SZT2: variants seen among roughly 807,000 people sequenced by gnomAD.
SZT2 encodes the protein SZT2 subunit of KICSTOR complex.
SZT2 carries 216 observed loss-of-function variants against 404.2 expected under a neutral mutation model. The observed-to-expected ratio is 0.53, with a 90% CI of 0.48 to 0.60. The LOEUF (loss-of-function observed/expected upper bound fraction) is 0.60. Ranked by LOEUF, SZT2 falls within the 20% of genes least tolerant of loss-of-function variation. SZT2 has a pLI of 0.00. For missense variants in SZT2, 3,857 were observed against 4,459.2 expected (o/e 0.86, Z 3.85); for synonymous variants, 1,693 against 1,749.9 (o/e 0.97, Z 0.81).
chr1:43,443,749 C>T lies in SZT2; in HGVS notation c.8778C>T (p.Ser2926=). The change falls in exon 62 of 72, where the codon AGC becomes AGT. Residue 2926 remains serine, a synonymous_variant. Coordinates refer to ENST00000634258, the MANE Select transcript of SZT2 (RefSeq NM_001365999.1). ...FLQQYVQYLQ[S]IGFVLVPLRP... is the part of the protein sequence containing the mutation. ...AGCAATATGTGCAGTATCTGCAGAG[C>T]ATAGGTTTTGTGCTGGTACCACTGC... 6.2e-7 allele frequency: 1 copy of T among 1,614,192 alleles called. No individual in the cohort carries two copies. The highest frequency in any genetic ancestry group is 8.5e-7 in the Non-Finnish European group (1 of 1,180,042).
chr1:43,402,595 T>TAGAGCACA (rs1242962974), intron 1 of SZT2, among the ~76,000 whole-genome samples: 12 of 152,298 alleles, frequency 7.9e-5, no homozygotes, highest in Admixed American at 5.9e-4. Flanking sequence ...CGATGCTTGT[T>TAGAGCACA]AGAGCATTGT....
At chr1:43,393,463 A>G (rs1276523568) in intron 1 of SZT2, among the ~76,000 whole-genome samples, 1 of 152,224 alleles carries the variant, frequency 6.6e-6, no homozygotes, top group South Asian at 2.1e-4. Flanking sequence ...ATTTGATCCT[A>G]AGTGCTCTAA....
chr1:43,440,965 G>A (rs527500184), intron 52 of SZT2, among the ~76,000 whole-genome samples: 3 of 152,224 alleles, frequency 2.0e-5, no homozygotes, highest in East Asian at 1.9e-4. Context: ...CTTACTATGT[G>A]CCTTCACTTC....
At chr1:43,427,882 G>A (rs1653371799) in intron 26 of SZT2, 121 bp from the exon 27 acceptor site, 1 of 1,320,988 alleles carries the variant, frequency 7.6e-7, no homozygotes, top group African/African-American at 1.5e-5. Flanking sequence ...CCTTGAACTT[G>A]CTAGGCCATG....
intron 1 of SZT2, among the ~76,000 whole-genome samples, chr1:43,392,124 AAAATGAAAC>A (rs1196725091): frequency 1.3e-5 from 2 of 148,812 alleles, no homozygotes; most frequent in East Asian, 3.9e-4. Flanking sequence ...AAAAAAAAAA[AAAATGAAAC>A]AAATGAAATA....
intron 36 of SZT2, 98 bp downstream of exon 36, chr1:43,431,999 T>G: frequency 6.5e-6 from 9 of 1,389,516 alleles, no homozygotes; most frequent in Non-Finnish European, 9.0e-6. Context: ...TTCGAACTCA[T>G]AGAGTTATCC....
rs554424367 is a variant in SZT2 at position 43,391,808 on chromosome 1, G to A, written c.27+1813G>A. Among the ~76,000 whole-genome samples the A allele has an allele frequency of 6.8e-4, 13 of 19,032 alleles. 2 individuals are homozygous for A. The highest frequency in any genetic ancestry group is 3.0e-3 in the African/African-American group (13 of 4,364). 12.5% of individuals were successfully genotyped at this position (19,032 alleles called of 152,430 possible). ...ATAAAAAAATGAAACAAGGCCGGGC[G>A]CGGTGGCTCACGCCTGTAATCCCAG... On this transcript the variant is annotated intron_variant, in intron 1 of 71. Transcript: ENST00000634258.
chr1:43,420,363 T>C lies in SZT2; in HGVS notation c.1261+40T>C, dbSNP rs746530896. The stretch of plus-strand genomic sequence containing the variant: ...GCCCTGCTGTAATCCCATAGATCTC[T>C]CAAGAATTTGTGTGTGGGAAGACCC... On this transcript the variant is annotated intron_variant, in intron 9 of 71. Coordinates refer to ENST00000634258, the MANE Select transcript of SZT2 (RefSeq NM_001365999.1). This position sits in a 1 kb window ranked among gnomAD's most constrained non-coding sequence, Gnocchi z 5.1. 25 of 1,509,832 alleles carry C rather than the reference T, an allele frequency of 1.7e-5. No homozygotes were observed. Among genetic ancestry groups the C allele is most frequent in the Non-Finnish European group, 2.2e-5 (25 of 1,132,412 alleles). The allele number at this position is 1,509,832 out of a possible 1,614,324, so 93.5% of individuals were successfully genotyped here.
rs1217994455 is a variant in SZT2 at position 43,403,262 on chromosome 1, A to G, written c.113A>G (p.His38Arg). The G allele has an allele frequency of 1.9e-6, 3 of 1,614,022 alleles. No individual in the cohort carries two copies. The highest frequency in any genetic ancestry group is 2.5e-6 in the Non-Finnish European group (3 of 1,180,044). ...RNVRLAWFLS[H>R]LHQTVQATPQ... Reference sequence around the variant, plus strand: ...GTTCGCCTGGCTTGGTTCCTCAGTCATCTGCACCAAACTGTGCAGGCCACA... The same window carrying G: ...GTTCGCCTGGCTTGGTTCCTCAGTCGTCTGCACCAAACTGTGCAGGCCACA... The change falls in exon 2 of 72, where the codon CAT (histidine) becomes CGT (arginine). Residue 38 changes from histidine to arginine, a missense_variant. His to Arg is a conservative substitution (Grantham distance 29). Transcript: ENST00000634258.
rs543398157 is a variant in SZT2, at chr1:43,392,227, T to A, written c.27+2232T>A. ...AAAACATCGTGAGATATTTAACATT[T>A]TTTTTGGTACCAAGTCTTTAAAATC... On this transcript the variant is annotated intron_variant, in intron 1 of 71. Coordinates refer to ENST00000634258, the MANE Select transcript of SZT2 (RefSeq NM_001365999.1). Among the ~76,000 whole-genome samples the A allele has an allele frequency of 1.7e-3, 261 of 152,196 alleles. 6 individuals are homozygous for A. In the South Asian group the frequency reaches 0.022, roughly 13 times the overall value.
At position 43,427,547 on chromosome 1, in the gene SZT2, G is replaced by A; in HGVS notation, c.3616G>A (p.Gly1206Arg). The A allele has an allele frequency of 6.2e-7, 1 of 1,614,252 alleles. No individual in the cohort carries two copies. The highest frequency in any genetic ancestry group is 8.5e-7 in the Non-Finnish European group (1 of 1,180,044). ...CTTCACAGACAATGCCCAGAATCAA[G>A]GAGAGCTAAGTCCACCATTCCGTCG... ...TLASDNAQNQ[G>R]ELSPPFRRDL... The change falls in exon 26 of 72, where the codon GGA becomes AGA. Residue 1206 changes from glycine to arginine, a missense_variant. By Grantham distance (125) the Gly-to-Arg change is moderately radical. This residue lies in a region of SZT2 where 1,725 missense variants were observed against 1,881.0 expected (regional missense o/e 0.92). Transcript: ENST00000634258.
At position 43,414,890 on chromosome 1, in the gene SZT2, A is replaced by T. The variant is rs1044182166; in HGVS notation, c.499-192A>T. Among the ~76,000 whole-genome samples the T allele has an allele frequency of 1.2e-4, 18 of 152,202 alleles. 1 individual carries two copies. Among genetic ancestry groups the T allele is most frequent in the Admixed American group, 5.9e-4 (9 of 15,286 alleles). On this transcript the variant is annotated intron_variant, in intron 4 of 71. Coordinates refer to ENST00000634258, the MANE Select transcript of SZT2 (RefSeq NM_001365999.1). ...TGACCCCAGATAAAGATGACTAATGACTAGGGACCTGGGCTGAGGACTGAT... is the reference window on the plus strand; with the variant it reads ...TGACCCCAGATAAAGATGACTAATGTCTAGGGACCTGGGCTGAGGACTGAT...
At chr1:43,400,482 C>T (rs1387140384) in intron 1 of SZT2, among the ~76,000 whole-genome samples, 1 of 152,232 alleles carries the variant, frequency 6.6e-6, no homozygotes, top group South Asian at 2.1e-4. Context: ...TCTGAGCCTA[C>T]ACTTACTACT....
intron 62 of SZT2, among the ~76,000 whole-genome samples, chr1:43,444,863 C>G (rs1159762830): frequency 6.6e-6 from 1 of 152,170 alleles, no homozygotes; most frequent in Non-Finnish European, 1.5e-5. Context: ...GGCATGTTCT[C>G]CCTCCTCTCT....
At position 43,441,745 on chromosome 1, in the gene SZT2, A is replaced by G. The variant is rs112994383; in HGVS notation, c.7669A>G (p.Ile2557Val). The G allele has an allele frequency of 2.5e-5, 41 of 1,614,032 alleles. No homozygotes were observed. The highest frequency in any genetic ancestry group is 2.4e-4 in the African/African-American group (18 of 74,966). The change falls in exon 55 of 72, where the codon ATC becomes GTC. Residue 2557 changes from isoleucine to valine, a missense_variant. This residue lies in a region of SZT2 where 573 missense variants were observed against 592.4 expected (regional missense o/e 0.97). Coordinates refer to ENST00000634258, the MANE Select transcript of SZT2 (RefSeq NM_001365999.1). This position sits in a 1 kb window ranked among gnomAD's most constrained non-coding sequence, Gnocchi z 4.8. ...GGTGTCCCGGTTCCTCCTTCCATCC[A>G]TCCTGTCTGAGTTCACCGCACTGGT... ...HMVSRFLLPSILSEFTALVTS... is the reference protein window; with the variant it reads ...HMVSRFLLPSVLSEFTALVTS...
At chr1:43,392,128 TG>T in intron 1 of SZT2, among the ~76,000 whole-genome samples, 1 of 117,290 alleles carries the variant, frequency 8.5e-6, no homozygotes, top group South Asian at 3.0e-4. Context: ...AAAAAAAAAA[TG>T]AAACAAATGA....
Position 43,428,493 on chromosome 1 carries a change from A to G in SZT2, c.4166+7A>G. ...TCCTAGCTTCTGAATCCAGGTTAGG[A>G]TTATACTTGAATGATGGATAAGGGG... On this transcript the variant is annotated splice_region_variant and intron_variant, in intron 28 of 71. Transcript: ENST00000634258. The G allele has an allele frequency of 6.2e-7, 1 of 1,612,264 alleles. No homozygotes were observed. The highest frequency in any genetic ancestry group is 8.5e-7 in the Non-Finnish European group (1 of 1,179,774).
Position 43,422,067 on chromosome 1 carries a change from T to C in SZT2, c.1627-16T>C, listed in dbSNP as rs2153932424. On this transcript the variant is annotated splice_polypyrimidine_tract_variant and intron_variant, in intron 11 of 71. Coordinates refer to ENST00000634258, the MANE Select transcript of SZT2 (RefSeq NM_001365999.1). ...CTCTGCAAATGCTCCTATAGTGCTG[T>C]CCTTCCTGTCCTCAGGTGCTCTCCC... The C allele has an allele frequency of 1.3e-6, 2 of 1,590,634 alleles. No homozygotes were observed. Among genetic ancestry groups the C allele is most frequent in the Non-Finnish European group, 1.7e-6 (2 of 1,173,916 alleles).
At chr1:43,428,804 C>G (rs1653502494) in intron 28 of SZT2, 1 of 291,136 alleles carries the variant, frequency 3.4e-6, no homozygotes, top group South Asian at 6.1e-5. Context: ...TAGTAGGAAT[C>G]TCCCCAACCA....
Sources: gnomAD v4.1 joint callset for allele counts (sites outside exome capture counted in the v4.1 genomes callset) on GRCh38, gnomAD v4.1.1 for gene constraint, gnomAD v4.1.1 regional missense constraint, Gnocchi (gnomAD v3.1) non-coding constraint, MANE v1.5 for transcripts, NCBI Gene and HGNC (gene_info 2026-07-23, HGNC 2026-07-21) for gene names.